The following ANO2 variants were observed in gnomAD, a reference collection of about 807,000 sequenced individuals.
The protein encoded by ANO2 is anoctamin 2.
Under a neutral mutation model 124.2 loss-of-function variants are expected in ANO2, and 101 were observed. The observed-to-expected ratio is 0.81, with a 90% CI of 0.69 to 0.96. The LOEUF is 0.96. Among genes scored for constraint, ANO2 ranks in the 40% least tolerant of loss-of-function variants. The pLI is 0.00. For synonymous variants in ANO2, 486 were observed against 482.5 expected (o/e 1.01, Z -0.09); for missense variants, 1,293 against 1,274.5 (o/e 1.01, Z -0.22).
intron 3 of ANO2, among the ~76,000 whole-genome samples, chr12:5,914,771 G>T (rs1178444445): frequency 6.6e-6 from 1 of 152,184 alleles, no homozygotes; most frequent in Non-Finnish European, 1.5e-5. Context: ...TTCAGGGCCT[G>T]CAAGGTGAGA....
At chr12:5,587,893 C>A (rs1354877475) in intron 20 of ANO2, among the ~76,000 whole-genome samples, 3 of 152,142 alleles carry the variant, frequency 2.0e-5, no homozygotes, top group Non-Finnish European at 4.4e-5. Flanking sequence ...TGGGCCCCAG[C>A]CCAGGTTCCA....
intron 10 of ANO2, among the ~76,000 whole-genome samples, chr12:5,770,133 C>T (rs1160407972): frequency 6.6e-6 from 1 of 152,170 alleles, no homozygotes; most frequent in Non-Finnish European, 1.5e-5. Flanking sequence ...AACTACTAGG[C>T]CACATGACAG....
intron 19 of ANO2, among the ~76,000 whole-genome samples, chr12:5,607,059 T>C (rs1248048951): frequency 8.1e-6 from 1 of 122,824 alleles, no homozygotes; most frequent in East Asian, 2.8e-4. Flanking sequence ...GACTTGCCTC[T>C]ATTTAAAAAA....
chr12:5,888,503 A>G (rs55848954), intron 3 of ANO2, among the ~76,000 whole-genome samples: 16,745 of 152,032 alleles, frequency 0.11, 2,112 homozygotes, highest in African/African-American at 0.31. Flanking sequence ...CAATTGGTCT[A>G]TTTTACAGAG....
chr12:5,629,129 C>T (rs1430825427), intron 16 of ANO2, among the ~76,000 whole-genome samples: 1 of 152,160 alleles, frequency 6.6e-6, no homozygotes, highest in African/African-American at 2.4e-5. Flanking sequence ...ATGAACCCAA[C>T]CCTGTGACTT....
At chr12:5,891,975 G>A (rs1488945970) in intron 3 of ANO2, among the ~76,000 whole-genome samples, 3 of 151,822 alleles carry the variant, frequency 2.0e-5, no homozygotes, top group African/African-American at 7.3e-5. Flanking sequence ...AAAGATATTG[G>A]ACTTATCTGA....
At chr12:5,829,827 A>G (rs938185666) in intron 6 of ANO2, among the ~76,000 whole-genome samples, 2 of 152,234 alleles carry the variant, frequency 1.3e-5, no homozygotes, top group African/African-American at 4.8e-5. Context: ...ACAAAATTCA[A>G]ACACTTGACA....
chr12:5,832,305 A>G, intron 5 of ANO2, 147 bp downstream of exon 5: 1 of 895,446 alleles, frequency 1.1e-6, no homozygotes, highest in Non-Finnish European at 1.7e-6. Context: ...GCACAGGGAC[A>G]ATGTCACCAT....
At chr12:5,693,739 C>T (rs1949041793) in intron 14 of ANO2, among the ~76,000 whole-genome samples, 1 of 152,168 alleles carries the variant, frequency 6.6e-6, no homozygotes, top group African/African-American at 2.4e-5. Flanking sequence ...GACCTCTTTG[C>T]TGTTCCTTGC....
intron 1 of ANO2, among the ~76,000 whole-genome samples, chr12:5,944,366 G>A (rs940923709): frequency 1.3e-5 from 2 of 152,292 alleles, no homozygotes; most frequent in Middle Eastern, 3.4e-3. Context: ...ACATGGTCCC[G>A]GGGTGGTATT....
chr12:5,824,371 T>G (rs1288015732), intron 7 of ANO2, among the ~76,000 whole-genome samples: 1 of 152,250 alleles, frequency 6.6e-6, no homozygotes, highest in East Asian at 1.9e-4. Context: ...AGAAATTTCT[T>G]CTGCCAGATA....
chr12:5,768,682 G>A (rs193077900), intron 10 of ANO2, among the ~76,000 whole-genome samples: 1 of 152,196 alleles, frequency 6.6e-6, no homozygotes, highest in Non-Finnish European at 1.5e-5. Context: ...GGCCACCGAG[G>A]GACTGACCCA....
chr12:5,945,118 G>A (rs1565802426), intron 1 of ANO2, 78 bp downstream of exon 1: 3 of 1,247,680 alleles, frequency 2.4e-6, no homozygotes, highest in Non-Finnish European at 2.1e-6. Flanking sequence ...AAGGGTGGGA[G>A]TTCGGATGCC....
chr12:5,732,369 G>C, intron 14 of ANO2, 151 bp downstream of exon 14: 1 of 619,614 alleles, frequency 1.6e-6, no homozygotes, highest in South Asian at 2.2e-5. Flanking sequence ...TCTGGCTGCA[G>C]GACAATGCGA....
chr12:5,870,739 A>AC (rs1955553400), intron 3 of ANO2, among the ~76,000 whole-genome samples: 7 of 152,180 alleles, frequency 4.6e-5, no homozygotes, highest in Admixed American at 6.5e-5. Context: ...CAAAGGTCCT[A>AC]CTCAGGATGA....
At chr12:5,880,873 TGGGTGGATGAGTGGATGGGTAGGTGGG>T (rs1938446416) in intron 3 of ANO2, among the ~76,000 whole-genome samples, 1 of 148,088 alleles carries the variant, frequency 6.8e-6, no homozygotes. Context: ...GATGAGTGGA[TGGGTGGATGAGTGGATGGGTAGGTGGG>T]GGATGGATGG....
At chr12:5,685,476 A>C (rs1489124460) in intron 14 of ANO2, among the ~76,000 whole-genome samples, 1 of 152,180 alleles carries the variant, frequency 6.6e-6, no homozygotes, top group Non-Finnish European at 1.5e-5. Flanking sequence ...ACTGGAACAG[A>C]GAAGAGAAGC....
intron 19 of ANO2, among the ~76,000 whole-genome samples, chr12:5,604,536 CA>C (rs1184479773): frequency 6.6e-6 from 1 of 152,024 alleles, no homozygotes; most frequent in Non-Finnish European, 1.5e-5. Context: ...CTTCAAAGGA[CA>C]AAGAAGGAGA....
chr12:5,903,525 A>G (rs1170135781), intron 3 of ANO2, among the ~76,000 whole-genome samples: 2 of 152,224 alleles, frequency 1.3e-5, no homozygotes, highest in Non-Finnish European at 2.9e-5. Context: ...CTCAGCTGAA[A>G]TTCAGATTCT....
Sources: gnomAD v4.1 joint callset for allele counts (sites outside exome capture counted in the v4.1 genomes callset) on GRCh38, gnomAD v4.1.1 for gene constraint, MANE v1.5 for transcripts, NCBI Gene and HGNC (gene_info 2026-07-23, HGNC 2026-07-21) for gene names.